Variants in PRLR observed in about 807,000 individuals in gnomAD.
PRLR encodes the protein hPRL receptor.
A neutral mutation model predicts 40.2 loss-of-function variants in PRLR; 13 were observed. That is an observed-to-expected ratio of 0.32 (90% CI 0.21 to 0.51). The LOEUF (loss-of-function observed/expected upper bound fraction) is 0.51, where lower values mean the gene tolerates loss of function less well. Ranked by LOEUF, PRLR falls within the 20% of genes least tolerant of loss-of-function variation. The probability of loss-of-function intolerance (pLI) is 0.97; values close to 1 mark genes in which losing one functional copy is unlikely to be tolerated. For synonymous variants in PRLR, 269 were observed against 278.7 expected (o/e 0.97, Z 0.35); for missense variants, 656 against 747.3 (o/e 0.88, Z 1.42).
At chr5:35,217,776 A>G (rs746181082) in intron 1 of PRLR, among the ~76,000 whole-genome samples, 12 of 152,242 alleles carry the variant, frequency 7.9e-5, no homozygotes, top group Non-Finnish European at 1.5e-4. Context: ...TATGGTTTCA[A>G]TGATGTCCTT....
chr5:35,132,093 G>A (rs1297646389), intron 1 of PRLR, among the ~76,000 whole-genome samples: 1 of 152,162 alleles, frequency 6.6e-6, no homozygotes, highest in African/African-American at 2.4e-5. Context: ...TCATTAGCAT[G>A]TATCCCCAGA....
intron 5 of PRLR, among the ~76,000 whole-genome samples, chr5:35,079,992 A>G (rs1161132057): frequency 6.6e-6 from 1 of 152,260 alleles, no homozygotes; most frequent in Non-Finnish European, 1.5e-5. Flanking sequence ...CATATGTAGA[A>G]AGCTGAAACT....
intron 1 of PRLR, among the ~76,000 whole-genome samples, chr5:35,137,300 C>A (rs1773889285): frequency 6.6e-6 from 1 of 152,252 alleles, no homozygotes; most frequent in East Asian, 1.9e-4. Flanking sequence ...TAAGTCTGAA[C>A]TTTCTCCACT....
At chr5:35,173,604 G>T (rs1775060814) in intron 1 of PRLR, among the ~76,000 whole-genome samples, 2 of 152,164 alleles carry the variant, frequency 1.3e-5, no homozygotes, top group South Asian at 4.2e-4. Context: ...AAGGCCTCTG[G>T]CAAGAGTGAC....
chr5:35,146,496 C>A (rs976800623), intron 1 of PRLR, among the ~76,000 whole-genome samples: 1 of 152,172 alleles, frequency 6.6e-6, no homozygotes, highest in Non-Finnish European at 1.5e-5. Context: ...GTGTTCAGTA[C>A]ATGGGTGGCT....
At chr5:35,105,016 C>T (rs550282553) in intron 2 of PRLR, among the ~76,000 whole-genome samples, 14 of 152,232 alleles carry the variant, frequency 9.2e-5, no homozygotes, top group African/African-American at 2.2e-4. Context: ...CCCTCTGAGA[C>T]GAAGTTTCCA....
intron 1 of PRLR, among the ~76,000 whole-genome samples, chr5:35,135,754 G>A (rs529993370): frequency 4.6e-5 from 7 of 152,154 alleles, no homozygotes; most frequent in Non-Finnish European, 8.8e-5. Context: ...GCCTGCCTCA[G>A]CCAGTGCCCG....
At chr5:35,198,435 G>T (rs930377081) in intron 1 of PRLR, among the ~76,000 whole-genome samples, 6 of 152,192 alleles carry the variant, frequency 3.9e-5, no homozygotes, top group African/African-American at 1.4e-4. Context: ...CTGGACAAAA[G>T]GCAAGCTTCT....
chr5:35,189,547 C>T (rs532282465), intron 1 of PRLR, among the ~76,000 whole-genome samples: 47 of 150,752 alleles, frequency 3.1e-4, no homozygotes, highest in African/African-American at 1.1e-3. Context: ...TGCCACTGCA[C>T]TCCAGCCTGG....
At chr5:35,069,697 GCTGT>G (rs915680403) in intron 7 of PRLR, among the ~76,000 whole-genome samples, 1 of 152,226 alleles carries the variant, frequency 6.6e-6, no homozygotes, top group Admixed American at 6.5e-5. Flanking sequence ...CTTTGCTGGA[GCTGT>G]CTATCTTATA....
At chr5:35,185,431 A>C (rs564150379) in intron 1 of PRLR, among the ~76,000 whole-genome samples, 1 of 136,464 alleles carries the variant, frequency 7.3e-6, no homozygotes, top group South Asian at 2.2e-4. Context: ...TAAGTTTCCT[A>C]AAAAAAAAAA....
rs200021198 is a variant in PRLR at position 35,105,244 on chromosome 5, G to GTCT, written c.-44+12816_-44+12817insAGA. Among the ~76,000 whole-genome samples, 529 of 152,270 alleles carry GTCT rather than the reference G, an allele frequency of 3.5e-3. 3 individuals are homozygous for GTCT. The highest frequency in any genetic ancestry group is 0.011 in the African/African-American group (455 of 41,526). On this transcript the variant is annotated intron_variant, in intron 2 of 9. Transcript: ENST00000618457. The stretch of plus-strand genomic sequence containing the variant: ...ACATCACCATCATCAAAGACCAAAG[G>GTCT]TAGATAAAACCACAAAGATGGGGAG...
At chr5:35,211,554 A>C (rs1776167336) in intron 1 of PRLR, among the ~76,000 whole-genome samples, 1 of 152,228 alleles carries the variant, frequency 6.6e-6, no homozygotes, top group African/African-American at 2.4e-5. Context: ...CTTACTTCCC[A>C]ATACCATAAT....
In PRLR at chr5:35,064,718, T is replaced by G. The variant is rs1202112066; in HGVS notation, c.*371A>C. ...CTATGTGGAAAATTTTCTTTTGTCATCTTTCTATGGTAAACAATTTTGACA... is the reference window on the plus strand; with the variant it reads ...CTATGTGGAAAATTTTCTTTTGTCAGCTTTCTATGGTAAACAATTTTGACA... On this transcript the variant is annotated 3_prime_UTR_variant, in exon 10 of 10. Transcript: ENST00000618457. The G allele has an allele frequency of 5.9e-6, 1 of 168,932 alleles. No individual in the cohort carries two copies. The allele number at this position is 168,932 out of a possible 1,614,324, so 10.5% of individuals were successfully genotyped here.
chr5:35,222,562 G>A lies in PRLR; in HGVS notation c.-106+7706C>T, dbSNP rs1561372767. ...CCAGGCATCAGGGACGGGGCTCTCG[G>A]GACCACTGTGACTGCCTATGGGTCA... is the stretch of plus-strand genomic sequence containing the variant. On this transcript the variant is annotated intron_variant, in intron 1 of 9. Transcript: ENST00000618457. Among the ~76,000 whole-genome samples the A allele has an allele frequency of 3.3e-5, 5 of 152,098 alleles. No homozygotes were observed. The South Asian group carries it at 1.0e-3, about 32-fold the overall frequency.
chr5:35,127,248 C>A (rs2111757760), intron 1 of PRLR, among the ~76,000 whole-genome samples: 1 of 152,334 alleles, frequency 6.6e-6, no homozygotes, highest in Non-Finnish European at 1.5e-5. Flanking sequence ...GCTGAACACA[C>A]AACTGCAGGT....
intron 1 of PRLR, among the ~76,000 whole-genome samples, chr5:35,165,609 G>A (rs996697402): frequency 2.0e-5 from 3 of 152,064 alleles, no homozygotes; most frequent in Admixed American, 6.6e-5. Flanking sequence ...ATAATGCCTG[G>A]GTAACCATTG....
intron 1 of PRLR, among the ~76,000 whole-genome samples, chr5:35,208,173 G>GCA: frequency 7.9e-6 from 1 of 127,204 alleles, no homozygotes; most frequent in Admixed American, 8.1e-5. Flanking sequence ...ACACCCACGC[G>GCA]CGCGCACACA....
At position 35,200,853 on chromosome 5, in the gene PRLR, G is replaced by A. The variant is rs115928272; in HGVS notation, c.-106+29415C>T. ...TTAAAGAGTTAACAGACTTTGCGAA[G>A]ATCACACAGATGAACGGAGGCAGGG... On this transcript the variant is annotated intron_variant, in intron 1 of 9. Coordinates refer to ENST00000618457, the MANE Select transcript of PRLR (RefSeq NM_000949.7). Among the ~76,000 whole-genome samples the A allele has an allele frequency of 8.9e-3, 1,355 of 152,284 alleles. 18 individuals are homozygous for A. The highest frequency in any genetic ancestry group is 0.031 in the African/African-American group (1,306 of 41,552).
Sources: allele counts gnomAD v4.1 joint callset (sites outside exome capture counted in the v4.1 genomes callset), GRCh38; gene constraint gnomAD v4.1.1; transcripts MANE v1.5; gene names NCBI Gene and HGNC (gene_info 2026-07-23, HGNC 2026-07-21).